ROBO1: variants seen among roughly 807,000 people sequenced by gnomAD.
ROBO1 encodes roundabout guidance receptor 1.
A neutral mutation model predicts 195.9 loss-of-function variants in ROBO1; 149 were observed. The ratio of observed to expected loss-of-function variants is 0.76; its 90% CI spans 0.67 to 0.87. The LOEUF is 0.87. Ranked by LOEUF, ROBO1 falls within the 40% of genes least tolerant of loss-of-function variation. ROBO1 has a pLI of 0.00. For synonymous variants in ROBO1, 816 were observed against 733.2 expected, an observed-to-expected ratio of 1.11 and a Z score of -1.82; for missense variants, 1,933 against 2,068.3, an observed-to-expected ratio of 0.93 and a Z score of 1.27.
intron 2 of ROBO1, among the ~76,000 whole-genome samples, chr3:79,173,810 C>T (rs1041722717): frequency 2.0e-5 from 3 of 152,158 alleles, no homozygotes; most frequent in Non-Finnish European, 2.9e-5. Context: ...ACTTGGAGAA[C>T]CTTTACGTCT....
At chr3:78,694,480 C>T (rs2081243255) in intron 8 of ROBO1, among the ~76,000 whole-genome samples, 1 of 152,146 alleles carries the variant, frequency 6.6e-6, no homozygotes, top group Non-Finnish European at 1.5e-5. Flanking sequence ...AATTTAGAAA[C>T]ATTTTTAATT....
At chr3:79,010,569 T>C (rs964778076) in intron 3 of ROBO1, among the ~76,000 whole-genome samples, 1 of 152,156 alleles carries the variant, frequency 6.6e-6, no homozygotes, top group African/African-American at 2.4e-5. Context: ...CCTATACTAC[T>C]ACATCGATCA....
intron 2 of ROBO1, among the ~76,000 whole-genome samples, chr3:79,196,800 C>T (rs923610074): frequency 3.3e-5 from 5 of 151,624 alleles, no homozygotes; most frequent in Non-Finnish European, 7.4e-5. Context: ...AACCCTTTAT[C>T]TTTTTAGAAT....
chr3:78,917,099 GT>G (rs756798186), intron 4 of ROBO1, among the ~76,000 whole-genome samples: 84 of 127,318 alleles, frequency 6.6e-4, no homozygotes, highest in Admixed American at 1.2e-3. Flanking sequence ...TTTGTTTTTC[GT>G]TTTTTTTTTT....
At chr3:79,538,572 G>C (rs187028874) in intron 2 of ROBO1, among the ~76,000 whole-genome samples, 1 of 152,064 alleles carries the variant, frequency 6.6e-6, no homozygotes, top group East Asian at 1.9e-4. Flanking sequence ...ACCTGCAACC[G>C]AAAAGGTACA....
intron 3 of ROBO1, among the ~76,000 whole-genome samples, chr3:78,970,102 C>G (rs1279475428): frequency 6.6e-6 from 1 of 151,952 alleles, no homozygotes; most frequent in Non-Finnish European, 1.5e-5. Flanking sequence ...GCCAAAGACT[C>G]ATTAAAGGTG....
chr3:79,232,006 C>G (rs2082328818), intron 2 of ROBO1, among the ~76,000 whole-genome samples: 1 of 151,784 alleles, frequency 6.6e-6, no homozygotes, highest in Non-Finnish European at 1.5e-5. Flanking sequence ...TAAGTGGGAG[C>G]TAAATGATGA....
chr3:78,761,964 G>C (rs749689330), intron 4 of ROBO1, among the ~76,000 whole-genome samples: 13 of 151,982 alleles, frequency 8.6e-5, no homozygotes, highest in Non-Finnish European at 1.5e-4. Context: ...AGTTAATTAG[G>C]TGTTTTTAGC....
chr3:78,664,727 G>A (rs919013454), intron 14 of ROBO1, among the ~76,000 whole-genome samples: 3 of 152,190 alleles, frequency 2.0e-5, no homozygotes, highest in Non-Finnish European at 4.4e-5. Context: ...AATGGTTAGA[G>A]AAATTATGCC....
At chr3:78,750,490 TAAATAAATA>T (rs1468793348) in intron 4 of ROBO1, among the ~76,000 whole-genome samples, 3 of 147,942 alleles carry the variant, frequency 2.0e-5, no homozygotes, top group African/African-American at 5.0e-5. Context: ...AATAAATAAA[TAAATAAATA>T]AAATAAAATA....
At chr3:79,718,594 T>C (rs1418756749) in intron 1 of ROBO1, among the ~76,000 whole-genome samples, 13 of 151,900 alleles carry the variant, frequency 8.6e-5, no homozygotes, top group Admixed American at 8.5e-4. Context: ...ATTATTTGTC[T>C]CCCCCATACT....
At chr3:78,665,140 A>G (rs1304470169) in intron 14 of ROBO1, among the ~76,000 whole-genome samples, 1 of 152,136 alleles carries the variant, frequency 6.6e-6, no homozygotes, top group South Asian at 2.1e-4. Flanking sequence ...GACTATCCCT[A>G]CTGTCCTCCT....
At chr3:79,544,759 T>A (rs1057148740) in intron 2 of ROBO1, among the ~76,000 whole-genome samples, 3 of 152,182 alleles carry the variant, frequency 2.0e-5, no homozygotes, top group African/African-American at 7.2e-5. Flanking sequence ...ATTTTCTTTA[T>A]CAGAAGACAT....
chr3:79,082,790 G>C lies in ROBO1; in HGVS notation c.172+42666C>G, dbSNP rs188713655. 8.1e-4 allele frequency among the ~76,000 whole-genome samples: 124 copies of C among 152,244 alleles called. 1 individual carries two copies. Among genetic ancestry groups the C allele is most frequent in the African/African-American group, 2.8e-3 (116 of 41,542 alleles). On this transcript the variant is annotated intron_variant, in intron 3 of 30. Transcript: ENST00000464233. ...TGTACTCACTTGTATGGTATGGAGA[G>C]AGGCAGGTTGAACCTCACTTGTATG...
At chr3:78,924,064 C>A (rs1398096662) in intron 4 of ROBO1, among the ~76,000 whole-genome samples, 1 of 151,698 alleles carries the variant, frequency 6.6e-6, no homozygotes, top group African/African-American at 2.4e-5. Flanking sequence ...CATATACACA[C>A]ATACATGTAT....
intron 4 of ROBO1, among the ~76,000 whole-genome samples, chr3:78,803,911 T>G (rs1248428573): frequency 6.6e-6 from 1 of 152,186 alleles, no homozygotes; most frequent in Non-Finnish European, 1.5e-5. Flanking sequence ...TATAAAAGAT[T>G]TGAAATTGTA....
At chr3:79,364,787 G>A (rs1433630409) in intron 2 of ROBO1, among the ~76,000 whole-genome samples, 1 of 152,078 alleles carries the variant, frequency 6.6e-6, no homozygotes, top group Non-Finnish European at 1.5e-5. Context: ...TCATACGTCC[G>A]ATACCTTAAC....
rs188279027 is a variant in ROBO1 at position 79,301,426 on chromosome 3, C to A, written c.89-175887G>T. On this transcript the variant is annotated intron_variant, in intron 2 of 30. Transcript: ENST00000464233. Reference sequence around the variant, plus strand: ...TTACAGACCACCTCCTATGAAAAGACATATGCTCATTCTTTCCTTTAAGTA... The same window carrying A: ...TTACAGACCACCTCCTATGAAAAGAAATATGCTCATTCTTTCCTTTAAGTA... 1.0e-3 allele frequency among the ~76,000 whole-genome samples: 159 copies of A among 152,316 alleles called. 4 individuals are homozygous for A. The highest frequency in any genetic ancestry group is 8.8e-5 in the Non-Finnish European group (6 of 68,020).
intron 1 of ROBO1, among the ~76,000 whole-genome samples, chr3:79,630,866 A>T (rs1051981376): frequency 6.7e-6 from 1 of 149,710 alleles, no homozygotes; most frequent in Non-Finnish European, 1.5e-5. Context: ...TCAAAAAGTT[A>T]ATCCCATTTA....
Sources: gnomAD v4.1 joint callset for allele counts (sites outside exome capture counted in the v4.1 genomes callset) on GRCh38, gnomAD v4.1.1 for gene constraint, MANE v1.5 for transcripts, NCBI Gene and HGNC (gene_info 2026-07-23, HGNC 2026-07-21) for gene names.